NIPBL: variants seen among roughly 807,000 people sequenced by gnomAD.
The protein encoded by NIPBL is nipped-B-like protein.
A neutral mutation model predicts 321.8 loss-of-function variants in NIPBL; 19 were observed. The ratio of observed to expected loss-of-function variants is 0.06; its 90% CI spans 0.04 to 0.09. The LOEUF is 0.09. Ranked by LOEUF, NIPBL falls within the 10% of genes least tolerant of loss-of-function variation. The probability of loss-of-function intolerance (pLI) is 1.00; values close to 1 mark genes in which losing one functional copy is unlikely to be tolerated. For missense variants in NIPBL, 2,210 were observed against 3,327.0 expected, an observed-to-expected ratio of 0.66 and a Z score of 8.26; for synonymous variants, 1,106 against 1,114.1, an observed-to-expected ratio of 0.99 and a Z score of 0.14.
chr5:36,920,895 G>T (rs1017614884), intron 1 of NIPBL, among the ~76,000 whole-genome samples: 22 of 147,656 alleles, frequency 1.5e-4, no homozygotes, highest in African/African-American at 5.3e-4. Flanking sequence ...TGCTATAGTT[G>T]TCACTTTCTT....
chr5:37,045,379 T>C (rs932194118), intron 36 of NIPBL, 64 bp from the exon 37 acceptor site: 17 of 1,251,318 alleles, frequency 1.4e-5, no homozygotes, highest in African/African-American at 1.2e-4. Flanking sequence ...TCATTAGTAG[T>C]AATTACTTGA....
At chr5:36,979,120 G>C (rs546190052) in intron 9 of NIPBL, among the ~76,000 whole-genome samples, 1 of 151,898 alleles carries the variant, frequency 6.6e-6, no homozygotes, top group South Asian at 2.1e-4. Context: ...CCAGTTCTTT[G>C]AAAAATTACG....
chr5:37,047,523 G>C (rs1753105441), intron 38 of NIPBL, among the ~76,000 whole-genome samples: 2 of 152,104 alleles, frequency 1.3e-5, no homozygotes, highest in African/African-American at 4.8e-5. Flanking sequence ...GAGTTAAATT[G>C]ATGCAATATT....
Position 37,038,634 on chromosome 5 carries a change from T to G in NIPBL, c.6004T>G (p.Leu2002Val). ...CAATAAAGGTGTGAATTCTGGAAGA[T>G]TGGTAGCTTGCATAACCACTTTGTT... is the stretch of plus-strand genomic sequence containing the variant. ...SDNKGVNSGR[L>V]VACITTLFLF... Residue 2002 changes from leucine to valine, a missense_variant, in exon 34 of 47, where the codon TTG becomes GTG. Physicochemically the swap from Leu to Val is conservative, Grantham distance 32. Coordinates refer to ENST00000282516, the MANE Select transcript of NIPBL (RefSeq NM_133433.4). 1 of 1,613,842 alleles carries G rather than the reference T, an allele frequency of 6.2e-7. No individual in the cohort carries two copies. Among genetic ancestry groups the G allele is most frequent in the Non-Finnish European group, 8.5e-7 (1 of 1,179,882 alleles).
chr5:37,014,216 A>G (rs1292403215), intron 21 of NIPBL, among the ~76,000 whole-genome samples: 1 of 151,458 alleles, frequency 6.6e-6, no homozygotes, highest in Non-Finnish European at 1.5e-5. Context: ...GGAGAGGGAG[A>G]CCGTGGAGAG....
At chr5:36,967,727 G>A (rs980389296) in intron 6 of NIPBL, among the ~76,000 whole-genome samples, 6 of 152,140 alleles carry the variant, frequency 3.9e-5, no homozygotes. Context: ...GGGTCTTGCT[G>A]TATTGCACAG....
intron 32 of NIPBL, among the ~76,000 whole-genome samples, chr5:37,034,132 T>C (rs997904834): frequency 1.3e-5 from 2 of 152,144 alleles, no homozygotes; most frequent in Admixed American, 6.6e-5. Context: ...ATAGGACCTA[T>C]ACTGTGTTCA....
At chr5:36,897,612 G>T (rs1008896801) in intron 1 of NIPBL, among the ~76,000 whole-genome samples, 6 of 152,054 alleles carry the variant, frequency 3.9e-5, no homozygotes, top group African/African-American at 1.4e-4. Context: ...GAAGAAAAAC[G>T]ATATCCACTA....
chr5:37,052,658 G>A lies in NIPBL; in HGVS notation c.7263+92G>A, dbSNP rs1421854787. On this transcript the variant is annotated intron_variant, in intron 42 of 46. Transcript: ENST00000282516. Reference sequence around the variant, plus strand: ...TTTTTTAAATATTACCATTTTATTAGTATATGATAGTAACTTCATTAAGTG... The same window carrying A: ...TTTTTTAAATATTACCATTTTATTAATATATGATAGTAACTTCATTAAGTG... 3.3e-6 allele frequency: 3 copies of A among 896,644 alleles called. No individual in the cohort carries two copies. In the African/African-American group the frequency reaches 5.1e-5, roughly 15 times the overall value. 55.5% of individuals were successfully genotyped at this position (896,644 alleles called of 1,614,324 possible).
chr5:36,888,334 G>A (rs570075613), intron 1 of NIPBL, among the ~76,000 whole-genome samples: 23 of 152,044 alleles, frequency 1.5e-4, no homozygotes, highest in Non-Finnish European at 3.1e-4. Context: ...TTATCAGCTG[G>A]AAGACTTGAA....
Position 36,971,997 on chromosome 5 carries a change from C to T in NIPBL, c.824C>T (p.Pro275Leu), listed in dbSNP as rs1221501341. Residue 275 changes from proline (P) to leucine (L), a missense_variant, in exon 8 of 47, where the codon CCA (proline) becomes CTA (leucine). Transcript: ENST00000282516. ...RNAASFPLRS[P>L]QPVCSPAGSE... ...GCTGCATCTTTTCCCTTGAGATCTC[C>T]ACAGCCAGTATGCTCCCCTGCTGGA... is the stretch of plus-strand genomic sequence containing the variant. 6.2e-7 allele frequency: 1 copy of T among 1,613,438 alleles called. No homozygotes were observed. Among genetic ancestry groups the T allele is most frequent in the African/African-American group, 1.3e-5 (1 of 74,898 alleles).
intron 9 of NIPBL, among the ~76,000 whole-genome samples, chr5:36,981,281 A>G (rs1199649729): frequency 6.6e-6 from 1 of 151,728 alleles, no homozygotes; most frequent in Admixed American, 6.6e-5. Context: ...ACTGTACCTT[A>G]TAAGTAAGAT....
chr5:36,950,115 A>G (rs974523371), intron 1 of NIPBL, among the ~76,000 whole-genome samples: 3 of 151,944 alleles, frequency 2.0e-5, no homozygotes, highest in African/African-American at 7.2e-5. Context: ...TATTTCTCCT[A>G]CCTTATGATT....
At chr5:37,064,177 C>A in intron 46 of NIPBL, 199 bp downstream of exon 46, 1 of 1,415,400 alleles carries the variant, frequency 7.1e-7, no homozygotes, top group Non-Finnish European at 9.2e-7. Context: ...AATAAAAAAA[C>A]AGAAATGAGA....
At chr5:36,919,008 A>C (rs1300860400) in intron 1 of NIPBL, among the ~76,000 whole-genome samples, 2 of 152,124 alleles carry the variant, frequency 1.3e-5, no homozygotes, top group Non-Finnish European at 2.9e-5. Context: ...TGTCTCTGCC[A>C]GGCTTTGGTA....
intron 1 of NIPBL, among the ~76,000 whole-genome samples, chr5:36,945,808 CA>C (rs1447799079): frequency 4.6e-5 from 7 of 152,064 alleles, no homozygotes; most frequent in African/African-American, 1.7e-4. Context: ...TCTTAAATAG[CA>C]TGTGAAAAAT....
Position 37,060,800 on chromosome 5 carries a change from G to C in NIPBL, c.7686-44G>C, listed in dbSNP as rs1754583621. Reference sequence around the variant, plus strand: ...ATAATTGGATTTCTCCAAATACGTTGTTTCCATAGTTTTAAAGTTTTTGGT... The same window carrying C: ...ATAATTGGATTTCTCCAAATACGTTCTTTCCATAGTTTTAAAGTTTTTGGT... On this transcript the variant is annotated intron_variant, in intron 44 of 46. Coordinates refer to ENST00000282516, the MANE Select transcript of NIPBL (RefSeq NM_133433.4). 1.9e-6 allele frequency: 3 copies of C among 1,539,810 alleles called. No homozygotes were observed. In the East Asian group the frequency reaches 6.8e-5, roughly 35 times the overall value.
intron 7 of NIPBL, 57 bp from the exon 8 acceptor site, chr5:36,971,888 G>A: frequency 6.4e-7 from 1 of 1,561,354 alleles, no homozygotes; most frequent in Non-Finnish European, 8.8e-7. Context: ...TCTCTTTTAA[G>A]ATTTCTATAA....
intron 1 of NIPBL, among the ~76,000 whole-genome samples, chr5:36,881,254 A>G (rs1745480217): frequency 6.6e-6 from 1 of 151,884 alleles, no homozygotes; most frequent in South Asian, 2.1e-4. Flanking sequence ...GCCCAAATAA[A>G]TTAAGTAATA....
Sources: allele counts gnomAD v4.1 joint callset (sites outside exome capture counted in the v4.1 genomes callset), GRCh38; gene constraint gnomAD v4.1.1; transcripts MANE v1.5; gene names NCBI Gene and HGNC (gene_info 2026-07-23, HGNC 2026-07-21).